The following CDH8 variants were observed in gnomAD, a reference collection of about 807,000 sequenced individuals.
CDH8 encodes the protein cadherin 8.
A neutral mutation model predicts 68.1 loss-of-function variants in CDH8; 17 were observed. That is an observed-to-expected ratio of 0.25 (90% CI 0.17 to 0.37). CDH8 has a LOEUF of 0.37. Ranked by LOEUF, CDH8 falls within the 10% of genes least tolerant of loss-of-function variation. The pLI, the probability that CDH8 is intolerant of heterozygous loss-of-function variation, is 1.00. For synonymous variants in CDH8, 372 were observed against 365.1 expected (o/e 1.02, Z -0.21); for missense variants, 763 against 999.3 (o/e 0.76, Z 3.19).
At chr16:61,833,854 C>T (rs573535748) in intron 4 of CDH8, among the ~76,000 whole-genome samples, 4 of 151,972 alleles carry the variant, frequency 2.6e-5, no homozygotes, top group Non-Finnish European at 4.4e-5. Flanking sequence ...GGACTACTTG[C>T]TTTCTTCCTT....
intron 8 of CDH8, among the ~76,000 whole-genome samples, chr16:61,735,209 A>C (rs1426249378): frequency 6.6e-6 from 1 of 152,052 alleles, no homozygotes; most frequent in Non-Finnish European, 1.5e-5. Flanking sequence ...CCGTTTTCCA[A>C]ATGTGATCTT....
chr16:61,846,698 T>C (rs1321460693), intron 4 of CDH8, among the ~76,000 whole-genome samples: 1 of 152,072 alleles, frequency 6.6e-6, no homozygotes, highest in African/African-American at 2.4e-5. Context: ...AGGACCATAA[T>C]ACCCACTTCA....
At chr16:61,851,803 C>T (rs1962944274) in intron 4 of CDH8, among the ~76,000 whole-genome samples, 1 of 152,072 alleles carries the variant, frequency 6.6e-6, no homozygotes, top group East Asian at 1.9e-4. Flanking sequence ...CTCTCCAACA[C>T]CTATGGATAG....
intron 8 of CDH8, among the ~76,000 whole-genome samples, chr16:61,736,112 AAAGGAAGGAAGGAAGGAAGG>A (rs763954666): frequency 8.6e-6 from 1 of 116,462 alleles, no homozygotes; most frequent in African/African-American, 3.7e-5. Flanking sequence ...AGAAAGAAAG[AAAGGAAGGAAGGAAGGAAGG>A]AAGGAAGGAA....
chr16:61,894,312 G>T (rs1441531559), intron 3 of CDH8, among the ~76,000 whole-genome samples: 1 of 152,172 alleles, frequency 6.6e-6, no homozygotes, highest in Non-Finnish European at 1.5e-5. Context: ...CATAAGTGAA[G>T]AAGACTGCAG....
intron 8 of CDH8, among the ~76,000 whole-genome samples, chr16:61,731,753 T>A (rs1307707552): frequency 1.3e-5 from 2 of 151,552 alleles, no homozygotes; most frequent in Non-Finnish European, 2.9e-5. Context: ...TAAACAAACA[T>A]AGGTCAGAGA....
intron 2 of CDH8, chr16:61,918,547 G>C (rs1436114859): frequency 6.5e-6 from 1 of 152,990 alleles, no homozygotes; most frequent in Non-Finnish European, 1.5e-5. Flanking sequence ...TCAAAGAAAG[G>C]GGTGACAGAC....
chr16:61,834,117 G>A (rs1962518277), intron 4 of CDH8, among the ~76,000 whole-genome samples: 1 of 151,910 alleles, frequency 6.6e-6, no homozygotes, highest in Admixed American at 6.6e-5. Context: ...AGAAGAAAGA[G>A]AGAGAAAAAC....
At chr16:61,674,703 C>G (rs1963863350) in intron 10 of CDH8, among the ~76,000 whole-genome samples, 1 of 151,672 alleles carries the variant, frequency 6.6e-6, no homozygotes, top group African/African-American at 2.4e-5. Context: ...TACTCCAAAG[C>G]TTTAAAGGAA....
At chr16:61,738,817 ATG>A (rs1959781457) in intron 8 of CDH8, among the ~76,000 whole-genome samples, 1 of 151,912 alleles carries the variant, frequency 6.6e-6, no homozygotes, top group African/African-American at 2.4e-5. Context: ...ATGCGTGTGT[ATG>A]TGTGTGTGCA....
At chr16:61,879,303 G>T (rs558141400) in intron 3 of CDH8, among the ~76,000 whole-genome samples, 1 of 152,294 alleles carries the variant, frequency 6.6e-6, no homozygotes, top group Admixed American at 6.5e-5. Context: ...AAATGAGAAA[G>T]GCCATGAACA....
At chr16:61,846,149 G>T (rs1313172489) in intron 4 of CDH8, among the ~76,000 whole-genome samples, 1 of 152,060 alleles carries the variant, frequency 6.6e-6, no homozygotes, top group African/African-American at 2.4e-5. Context: ...ATATCCAGAT[G>T]AATCAAAACT....
intron 8 of CDH8, chr16:61,743,242 T>G (rs1365853504): frequency 6.6e-6 from 1 of 152,212 alleles, no homozygotes; most frequent in Non-Finnish European, 1.5e-5. Context: ...CAAATGAAGC[T>G]TGAGACCGTG....
intron 2 of CDH8, among the ~76,000 whole-genome samples, chr16:62,014,383 G>A (rs1336087069): frequency 1.2e-4 from 18 of 152,196 alleles, no homozygotes; most frequent in Admixed American, 1.2e-3. Context: ...GCCAGGTTGA[G>A]ACATGCGTGC....
intron 2 of CDH8, among the ~76,000 whole-genome samples, chr16:61,962,715 TA>T (rs1462927503): frequency 2.6e-5 from 4 of 152,174 alleles, no homozygotes; most frequent in African/African-American, 9.7e-5. Flanking sequence ...AACAAAAGTA[TA>T]AAATTGTGTA....
intron 8 of CDH8, among the ~76,000 whole-genome samples, chr16:61,769,891 A>G (rs1960734194): frequency 2.0e-5 from 3 of 151,992 alleles, no homozygotes; most frequent in Admixed American, 2.0e-4. Flanking sequence ...TGGATTTTTT[A>G]TTCCTATATG....
intron 7 of CDH8, among the ~76,000 whole-genome samples, chr16:61,791,264 A>AACATTGCC (rs1165166047): frequency 6.6e-6 from 1 of 152,016 alleles, no homozygotes; most frequent in Admixed American, 6.6e-5. Context: ...CAGGTAAGTT[A>AACATTGCC]ACATTGCTCT....
chr16:61,902,604 G>C (rs1963994577), intron 2 of CDH8, among the ~76,000 whole-genome samples: 1 of 146,442 alleles, frequency 6.8e-6, no homozygotes, highest in Non-Finnish European at 1.5e-5. Context: ...ACCGCCTTGT[G>C]GAAAGAAACT....
intron 3 of CDH8, among the ~76,000 whole-genome samples, chr16:61,878,908 G>A (rs80355745): frequency 6.6e-6 from 1 of 152,068 alleles, no homozygotes; most frequent in South Asian, 2.1e-4. Context: ...GCTGCCCCAC[G>A]TGAGTTTCCA....
Sources: gnomAD v4.1 joint callset for allele counts (sites outside exome capture counted in the v4.1 genomes callset) on GRCh38, gnomAD v4.1.1 for gene constraint, MANE v1.5 for transcripts, NCBI Gene and HGNC (gene_info 2026-07-23, HGNC 2026-07-21) for gene names.